SLC25A21: variants seen among roughly 807,000 people sequenced by gnomAD.
SLC25A21 encodes the protein solute carrier family 25 member 21.
Under a neutral mutation model 43.8 loss-of-function variants are expected in SLC25A21, and 47 were observed. The ratio of observed to expected loss-of-function variants is 1.07; its 90% CI spans 0.85 to 1.37. The LOEUF is 1.37. Ranked by LOEUF, SLC25A21 falls within the 40% of genes most tolerant of loss-of-function variation. SLC25A21 has a pLI of 0.00. For missense variants in SLC25A21, 352 were observed against 350.2 expected, an observed-to-expected ratio of 1.00 and a Z score of -0.04; for synonymous variants, 131 against 121.3, an observed-to-expected ratio of 1.08 and a Z score of -0.52.
At chr14:37,128,495 T>C (rs1315790871) in intron 1 of SLC25A21, among the ~76,000 whole-genome samples, 1 of 151,882 alleles carries the variant, frequency 6.6e-6, no homozygotes, top group Admixed American at 6.6e-5. Context: ...TGACCCATTA[T>C]TCTGCATGTT....
At chr14:37,114,542 C>G (rs1271226648) in intron 1 of SLC25A21, among the ~76,000 whole-genome samples, 1 of 152,142 alleles carries the variant, frequency 6.6e-6, no homozygotes, top group Non-Finnish European at 1.5e-5. Flanking sequence ...TGAGGTTGTT[C>G]TAGTAAAACA....
chr14:36,901,737 T>A (rs1455733262), intron 1 of SLC25A21, among the ~76,000 whole-genome samples: 2 of 152,128 alleles, frequency 1.3e-5, no homozygotes, highest in Non-Finnish European at 2.9e-5. Context: ...TAAAACCTAA[T>A]CAGTTTAAGT....
chr14:37,157,741 C>A (rs554191466), intron 1 of SLC25A21, among the ~76,000 whole-genome samples: 1 of 152,166 alleles, frequency 6.6e-6, no homozygotes, highest in South Asian at 2.1e-4. Context: ...TAATAAAAAA[C>A]AGAGCAGAAC....
chr14:36,687,242 C>T (rs1431414112), intron 7 of SLC25A21, among the ~76,000 whole-genome samples: 3 of 152,162 alleles, frequency 2.0e-5, no homozygotes, highest in Non-Finnish European at 4.4e-5. Context: ...CATGAGCCAC[C>T]GTGCCCGGCC....
intron 1 of SLC25A21, among the ~76,000 whole-genome samples, chr14:37,108,050 T>C (rs1008320065): frequency 2.6e-5 from 4 of 152,212 alleles, no homozygotes; most frequent in African/African-American, 9.6e-5. Flanking sequence ...TGGGCAAGGC[T>C]CTTAAGCCTT....
chr14:37,127,486 A>G (rs1781496908), intron 1 of SLC25A21, among the ~76,000 whole-genome samples: 1 of 152,224 alleles, frequency 6.6e-6, no homozygotes, highest in Non-Finnish European at 1.5e-5. Context: ...CTTCCTCTAT[A>G]GTTAGATCCT....
intron 1 of SLC25A21, among the ~76,000 whole-genome samples, chr14:37,047,243 G>A (rs192295089): frequency 1.3e-5 from 2 of 152,284 alleles, no homozygotes; most frequent in East Asian, 1.9e-4. Context: ...TATACTGCAC[G>A]CTGAAGGGAA....
In SLC25A21 at chr14:36,678,337, A is replaced by G; in HGVS notation, c.*2321T>C. ...TATCTTATAGAGAGCTTTGAACTGC[A>G]TTTATTTCTAAAGCAACCGAAATTC... is the stretch of plus-strand genomic sequence containing the variant. On this transcript the variant is annotated 3_prime_UTR_variant, in exon 10 of 10. Transcript: ENST00000331299. 2 of 705,600 alleles carry G rather than the reference A, an allele frequency of 2.8e-6. No individual in the cohort carries two copies. The highest frequency in any genetic ancestry group is 4.8e-6 in the Non-Finnish European group (2 of 417,436). 43.7% of individuals were successfully genotyped at this position (705,600 alleles called of 1,614,324 possible).
At chr14:37,152,744 A>T (rs1963780668) in intron 1 of SLC25A21, among the ~76,000 whole-genome samples, 1 of 152,226 alleles carries the variant, frequency 6.6e-6, no homozygotes. Context: ...AATTTTTAAA[A>T]GACTGTGTAA....
At chr14:37,071,273 A>ACAT (rs1962164798) in intron 1 of SLC25A21, among the ~76,000 whole-genome samples, 1 of 152,234 alleles carries the variant, frequency 6.6e-6, no homozygotes, top group Non-Finnish European at 1.5e-5. Context: ...AGAATATAAT[A>ACAT]CATCAGTGTT....
chr14:36,780,428 TTTAA>T (rs1594581833), intron 3 of SLC25A21, among the ~76,000 whole-genome samples: 1 of 152,102 alleles, frequency 6.6e-6, no homozygotes, highest in African/African-American at 2.4e-5. Context: ...AGTTAATTTG[TTTAA>T]TTGAGATATT....
chr14:37,138,982 T>C (rs976858178), intron 1 of SLC25A21, among the ~76,000 whole-genome samples: 1 of 152,118 alleles, frequency 6.6e-6, no homozygotes, highest in Non-Finnish European at 1.5e-5. Flanking sequence ...AACAATATTT[T>C]CATTTGTAAA....
intron 1 of SLC25A21, among the ~76,000 whole-genome samples, chr14:36,957,298 G>T (rs1023694522): frequency 6.6e-6 from 1 of 152,150 alleles, no homozygotes; most frequent in African/African-American, 2.4e-5. Flanking sequence ...GAGGAAGAGC[G>T]GCCTTAATCA....
intron 1 of SLC25A21, among the ~76,000 whole-genome samples, chr14:37,023,055 T>C (rs769365614): frequency 2.6e-5 from 4 of 151,956 alleles, no homozygotes; most frequent in Non-Finnish European, 2.9e-5. Context: ...AACTCTCAAA[T>C]TTTGCCTCTG....
At chr14:37,143,194 G>A (rs1963599972) in intron 1 of SLC25A21, among the ~76,000 whole-genome samples, 1 of 152,186 alleles carries the variant, frequency 6.6e-6, no homozygotes, top group African/African-American at 2.4e-5. Flanking sequence ...AAAAAAGTTT[G>A]GACAAAAAGG....
At chr14:36,781,244 C>G (rs1414042585) in intron 3 of SLC25A21, among the ~76,000 whole-genome samples, 1 of 152,124 alleles carries the variant, frequency 6.6e-6, no homozygotes, top group African/African-American at 2.4e-5. Context: ...GTAGGTAGCA[C>G]ATGGTTGGGT....
At chr14:37,128,747 C>T (rs1337090621) in intron 1 of SLC25A21, among the ~76,000 whole-genome samples, 1 of 151,972 alleles carries the variant, frequency 6.6e-6, no homozygotes, top group African/African-American at 2.4e-5. Flanking sequence ...CCATTACGCT[C>T]AGCTAATTTT....
Position 36,933,826 on chromosome 14 carries a change from G to A in SLC25A21, c.71-58822C>T, listed in dbSNP as rs1294995802. Among the ~76,000 whole-genome samples, 3 of 152,152 alleles carry A rather than the reference G, an allele frequency of 2.0e-5. No individual in the cohort carries two copies. The East Asian group carries it at 5.8e-4, about 29-fold the overall frequency. ...CTGCACTATAGATAGCCATATACAA[G>A]AGAGCAGAGTAGAGTTTCCTTTCTC... On this transcript the variant is annotated intron_variant, in intron 1 of 9. Coordinates refer to ENST00000331299, the MANE Select transcript of SLC25A21 (RefSeq NM_030631.4).
chr14:37,007,281 T>C (rs531012504), intron 1 of SLC25A21, among the ~76,000 whole-genome samples: 1 of 152,268 alleles, frequency 6.6e-6, no homozygotes, highest in Non-Finnish European at 1.5e-5. Context: ...TTAGGTCTGA[T>C]AGCCTGGAAC....
Sources: allele counts gnomAD v4.1 joint callset (sites outside exome capture counted in the v4.1 genomes callset), GRCh38; gene constraint gnomAD v4.1.1; transcripts MANE v1.5; gene names NCBI Gene and HGNC (gene_info 2026-07-23, HGNC 2026-07-21).